Variants in RPL37A observed in about 807,000 individuals in gnomAD.
RPL37A encodes large ribosomal subunit protein eL43.
Under a neutral mutation model 13.6 loss-of-function variants are expected in RPL37A, and 5 were observed. The observed-to-expected ratio is 0.37, with a 90% CI of 0.19 to 0.78. The LOEUF is 0.78. RPL37A is among the 30% of genes least tolerant of loss of function. RPL37A has a pLI of 0.49. For synonymous variants in RPL37A, 50 were observed against 44.4 expected (o/e 1.13, Z -0.50); for missense variants, 77 against 120.0 (o/e 0.64, Z 1.67).
chr2:216,503,397 T>C lies in RPL37A; in HGVS notation c.*1993T>C, dbSNP rs895603061. 3.3e-5 allele frequency: 5 copies of C among 152,284 alleles called. No homozygotes were observed. Among genetic ancestry groups the C allele is most frequent in the African/African-American group, 1.2e-4 (5 of 41,582 alleles). The allele number at this position is 152,284 out of a possible 1,614,324, so 9.4% of individuals were successfully genotyped here. On this transcript the variant is annotated 3_prime_UTR_variant, in exon 4 of 4. Transcript: ENST00000491306. ...ACTTCGGTTTTTATAATCAGTGAAG[T>C]ACTGCTTTTTGTTTGTTTTCTGAGA...
At position 216,501,344 on chromosome 2, in the gene RPL37A, C is replaced by G; in HGVS notation, c.219C>G (p.Thr73=). The stretch of plus-strand genomic sequence containing the variant: ...GAAACTGAATCTTTCTTTCCAGTAC[C>G]ACTTCCGCTGTCACGGTAAAGTCCG... ...TVAGGAWTYN[T]TSAVTVKSAI... Residue 73 remains threonine (T), a synonymous_variant, in exon 4 of 4, where the codon ACC becomes ACG. Coordinates refer to ENST00000491306, the MANE Select transcript of RPL37A (RefSeq NM_000998.5). 6.2e-7 allele frequency: 1 copy of G among 1,612,444 alleles called. No individual in the cohort carries two copies. Among genetic ancestry groups the G allele is most frequent in the Middle Eastern group, 1.8e-4 (1 of 5,672 alleles).
rs1238419571 is a variant in RPL37A at position 216,502,931 on chromosome 2, G to GATCC, written c.*1530_*1533dup. 1 of 152,172 alleles carries GATCC rather than the reference G, an allele frequency of 6.6e-6. No individual in the cohort carries two copies. Among genetic ancestry groups the GATCC allele is most frequent in the Admixed American group, 6.5e-5 (1 of 15,284 alleles). 9.4% of individuals were successfully genotyped at this position (152,172 alleles called of 1,614,324 possible). On this transcript the variant is annotated 3_prime_UTR_variant, in exon 4 of 4. Transcript: ENST00000491306. Reference sequence around the variant, plus strand: ...ACTTCACTGGGTCAGGCATTTGCTAGATCCATAGCAGTAACTCATCTGTGG... The same window carrying GATCC: ...ACTTCACTGGGTCAGGCATTTGCTAGATCCATCCATAGCAGTAACTCATCTGTGG...
At chr2:216,500,178 T>G (rs971793974) in intron 3 of RPL37A, 147 bp downstream of exon 3, 1 of 650,980 alleles carries the variant, frequency 1.5e-6, no homozygotes. Flanking sequence ...TCCGTGGTGG[T>G]TTATTTTCAG....
chr2:216,499,441 G>GT, intron 2 of RPL37A, 43 bp downstream of exon 2: 1 of 1,607,024 alleles, frequency 6.2e-7, no homozygotes, highest in Non-Finnish European at 8.5e-7. Context: ...GGGAGGGCAG[G>GT]TTTCTTACCC....
intron 3 of RPL37A, chr2:216,500,270 T>C: frequency 1.8e-6 from 1 of 560,814 alleles, no homozygotes; most frequent in Non-Finnish European, 3.2e-6. Flanking sequence ...TGATGGTCAC[T>C]GGGCACATTG....
rs1377311115 is a variant in RPL37A, at chr2:216,501,809, T to G, written c.*405T>G. 2 of 156,988 alleles carry G rather than the reference T, an allele frequency of 1.3e-5. No homozygotes were observed. Among genetic ancestry groups the G allele is most frequent in the Non-Finnish European group, 2.8e-5 (2 of 71,186 alleles). 9.7% of individuals were successfully genotyped at this position (156,988 alleles called of 1,614,324 possible). On this transcript the variant is annotated 3_prime_UTR_variant, in exon 4 of 4. Coordinates refer to ENST00000491306, the MANE Select transcript of RPL37A (RefSeq NM_000998.5). ...CTTGGCCCACTTCAACCTCCACTTCTTAGGTTCAAGCGATTCTCCTGCCTC... is the reference window on the plus strand; with the variant it reads ...CTTGGCCCACTTCAACCTCCACTTCGTAGGTTCAAGCGATTCTCCTGCCTC...
chr2:216,501,570 C>CT lies in RPL37A; in HGVS notation c.*172dup. ...AAGATGGATTATTGTAATTCAGTGT[C>CT]TTTTTTAGTAGTCAAATGGTAAAAT... On this transcript the variant is annotated 3_prime_UTR_variant, in exon 4 of 4. Transcript: ENST00000491306. 5.9e-6 allele frequency: 3 copies of CT among 506,062 alleles called. No individual in the cohort carries two copies. Among genetic ancestry groups the CT allele is most frequent in the East Asian group, 3.2e-5 (1 of 31,178 alleles). 31.3% of individuals were successfully genotyped at this position (506,062 alleles called of 1,614,324 possible).
rs1695600921 is a variant in RPL37A at position 216,501,590 on chromosome 2, TA to T, written c.*190del. The T allele has an allele frequency of 6.2e-6, 3 of 485,298 alleles. No individual in the cohort carries two copies. The highest frequency in any genetic ancestry group is 2.0e-5 in the African/African-American group (1 of 50,986). 30.1% of individuals were successfully genotyped at this position (485,298 alleles called of 1,614,324 possible). A position where few individuals can be genotyped will look rare whatever the true frequency, so the allele number is the denominator to read the frequency against. On this transcript the variant is annotated 3_prime_UTR_variant, in exon 4 of 4. Coordinates refer to ENST00000491306, the MANE Select transcript of RPL37A (RefSeq NM_000998.5). ...AGTGTCTTTTTTAGTAGTCAAATGG[TA>T]AAATGCAGCATAAGAATATAAGTCT... is the stretch of plus-strand genomic sequence containing the variant.
rs755290972 is a variant in RPL37A, at chr2:216,500,004, C to G, written c.188C>G (p.Thr63Arg). 1.9e-5 allele frequency: 30 copies of G among 1,613,720 alleles called. No homozygotes were observed. Among genetic ancestry groups the G allele is most frequent in the Non-Finnish European group, 2.4e-5 (28 of 1,179,984 alleles). ...GIWHCGSCMK[T>R]VAGGAWTYNT... ...TGGCACTGTGGTTCCTGCATGAAGA[C>G]AGTGGCTGGCGGTGCCTGGACGTAC... Residue 63 changes from threonine (T) to arginine (R), a missense_variant, in exon 3 of 4, where the codon ACA (threonine) becomes AGA (arginine). Thr to Arg is a moderately conservative substitution (Grantham distance 71). Coordinates refer to ENST00000491306, the MANE Select transcript of RPL37A (RefSeq NM_000998.5).
At chr2:216,499,557 C>G in intron 2 of RPL37A, 159 bp downstream of exon 2, 1 of 903,982 alleles carries the variant, frequency 1.1e-6, no homozygotes, top group East Asian at 2.7e-5. Flanking sequence ...TTGATGGTAA[C>G]TTCAGATTTT....
At position 216,499,972 on chromosome 2, in the gene RPL37A, G is replaced by A. The variant is rs1299912024; in HGVS notation, c.156G>A (p.Val52=). Residue 52 remains valine, a synonymous_variant, in exon 3 of 4, where the codon GTG becomes GTA. Transcript: ENST00000491306. ...CGKTKMKRRA[V]GIWHCGSCMK... ...AGACCAAGATGAAGAGACGAGCTGT[G>A]GGGATCTGGCACTGTGGTTCCTGCA... is the stretch of plus-strand genomic sequence containing the variant. The A allele has an allele frequency of 6.2e-7, 1 of 1,614,076 alleles. No individual in the cohort carries two copies. The highest frequency in any genetic ancestry group is 8.5e-7 in the Non-Finnish European group (1 of 1,179,932).
Position 216,499,260 on chromosome 2 carries a change from C to T in RPL37A, c.4-10C>T. The stretch of plus-strand genomic sequence containing the variant: ...GGTCTATCACTGGTTTCTCCCTTCA[C>T]TCTAAACAGGCCAAACGTACCAAGA... On this transcript the variant is annotated splice_polypyrimidine_tract_variant and intron_variant, in intron 1 of 3. Transcript: ENST00000491306. 2 of 1,611,056 alleles carry T rather than the reference C, an allele frequency of 1.2e-6. No homozygotes were observed. The highest frequency in any genetic ancestry group is 1.7e-5 in the Admixed American group (1 of 59,880).
At chr2:216,499,123 T>G in intron 1 of RPL37A, 147 bp from the exon 2 acceptor site, 1 of 1,237,566 alleles carries the variant, frequency 8.1e-7, no homozygotes, top group Non-Finnish European at 1.1e-6. Flanking sequence ...GGGCACTGGT[T>G]TCGTTGGGTT....
Position 216,498,936 on chromosome 2 carries a change from C to G in RPL37A, c.3+59C>G, listed in dbSNP as rs112651346. 1,408 of 1,608,496 alleles carry G rather than the reference C, an allele frequency of 8.8e-4. 8 individuals carry two copies. The African/African-American group carries it at 0.017, about 19-fold the overall frequency. ...ATCTGCCTGCATCTGTCCTTGTTTTCTTCTCCCGCACCCATCTCCTCTCCT... is the reference window on the plus strand; with the variant it reads ...ATCTGCCTGCATCTGTCCTTGTTTTGTTCTCCCGCACCCATCTCCTCTCCT... On this transcript the variant is annotated intron_variant, in intron 1 of 3. Transcript: ENST00000491306.
At chr2:216,501,210 C>G (rs1460988227) in intron 3 of RPL37A, 131 bp from the exon 4 acceptor site, 1 of 656,448 alleles carries the variant, frequency 1.5e-6, no homozygotes, top group Admixed American at 2.3e-5. Context: ...GTAGAGCAGT[C>G]TATCTCAGTA....
rs1013126740 is a variant in RPL37A, at chr2:216,502,908, T to G, written c.*1504T>G. 2 of 152,202 alleles carry G rather than the reference T, an allele frequency of 1.3e-5. No individual in the cohort carries two copies. The highest frequency in any genetic ancestry group is 2.9e-5 in the Non-Finnish European group (2 of 68,032). The allele number at this position is 152,202 out of a possible 1,614,324, so 9.4% of individuals were successfully genotyped here. ...AAACATCGCTACCCCAGGAGAATAC[T>G]TCACTGGGTCAGGCATTTGCTAGAT... On this transcript the variant is annotated 3_prime_UTR_variant, in exon 4 of 4. Transcript: ENST00000491306.
At chr2:216,499,910 CT>C in intron 2 of RPL37A, 38 bp from the exon 3 acceptor site, 1 of 1,535,006 alleles carries the variant, frequency 6.5e-7, no homozygotes, top group African/African-American at 1.4e-5. Flanking sequence ...AGAGAAAATA[CT>C]TACTTGGTTC....
chr2:216,499,295 T>G lies in RPL37A; in HGVS notation c.29T>G (p.Ile10Ser). The change falls in exon 2 of 4, where the codon ATC (isoleucine) becomes AGC (serine). Residue 10 changes from isoleucine (I) to serine (S), a missense_variant. Physicochemically the swap from Ile to Ser is moderately radical, Grantham distance 142. Coordinates refer to ENST00000491306, the MANE Select transcript of RPL37A (RefSeq NM_000998.5). MAKRTKKVG[I>S]VGKYGTRYGA... is the part of the protein sequence containing the mutation. ...GCCAAACGTACCAAGAAAGTCGGGA[T>G]CGTCGGTAAATACGGGACCCGCTAT... 6.2e-7 allele frequency: 1 copy of G among 1,613,410 alleles called. No individual in the cohort carries two copies. The highest frequency in any genetic ancestry group is 8.5e-7 in the Non-Finnish European group (1 of 1,179,990).
At chr2:216,501,166 G>C in intron 3 of RPL37A, 175 bp from the exon 4 acceptor site, 1 of 540,556 alleles carries the variant, frequency 1.8e-6, no homozygotes, top group Non-Finnish European at 3.3e-6. Context: ...TCTAATGTTG[G>C]TTAGATCTTT....
Sources: allele counts gnomAD v4.1 joint callset, GRCh38; gene constraint gnomAD v4.1.1; transcripts MANE v1.5; gene names NCBI Gene and HGNC (gene_info 2026-07-23, HGNC 2026-07-21).